ZNF678: variants seen among roughly 807,000 people sequenced by gnomAD.
The protein encoded by ZNF678 is hypothetical protein MGC42493.
In ZNF678, 5 loss-of-function variants were observed where a neutral mutation model predicts 3.0. The observed-to-expected ratio is 1.69, with a 90% CI of 0.88 to 3.56. ZNF678 has a LOEUF of 3.56. Among genes scored for constraint, ZNF678 ranks in the 30% most tolerant of loss-of-function variants. The pLI is 0.00. For synonymous variants in ZNF678, 218 were observed against 199.6 expected (o/e 1.09, Z -0.78); for missense variants, 593 against 605.0 (o/e 0.98, Z 0.21).
At chr1:227,603,608 C>T (rs1308014446) in intron 1 of ZNF678, among the ~76,000 whole-genome samples, 1 of 152,196 alleles carries the variant, frequency 6.6e-6, no homozygotes, top group African/African-American at 2.4e-5. Flanking sequence ...TGCTCATGGG[C>T]TCCAGGGTCT....
rs1659302149 is a variant in ZNF678, at chr1:227,658,285, A to T, written c.*2457A>T. The T allele has an allele frequency of 1.3e-5, 2 of 152,106 alleles. No homozygotes were observed. The highest frequency in any genetic ancestry group is 2.9e-5 in the Non-Finnish European group (2 of 67,982). The allele number at this position is 152,106 out of a possible 1,614,324, so 9.4% of individuals were successfully genotyped here. A position where few individuals can be genotyped will look rare whatever the true frequency, so the allele number is the denominator to read the frequency against. On this transcript the variant is annotated 3_prime_UTR_variant, in exon 4 of 4. Transcript: ENST00000343776. ...TTCACAAAGTTGTTTTGACATATAA[A>T]TGAGGTGAACAAACACAGGAAAGTG...
intron 1 of ZNF678, chr1:227,598,484 C>T: frequency 1.4e-6 from 2 of 1,411,906 alleles, no homozygotes; most frequent in South Asian, 1.4e-5. Context: ...GTTTCTTATG[C>T]TTCTTTTTCT....
At chr1:227,575,034 G>C (rs543046435) in intron 1 of ZNF678, among the ~76,000 whole-genome samples, 1 of 151,944 alleles carries the variant, frequency 6.6e-6, no homozygotes, top group Non-Finnish European at 1.5e-5. Flanking sequence ...CAGGTTTGTC[G>C]AAGATCAAAT....
At chr1:227,633,662 G>A (rs184348957) in intron 1 of ZNF678, among the ~76,000 whole-genome samples, 41 of 152,322 alleles carry the variant, frequency 2.7e-4, no homozygotes, top group Non-Finnish European at 4.3e-4. Flanking sequence ...CACCCAGGGA[G>A]TGAGCATTTA....
Position 227,603,600 on chromosome 1 carries a change from C to T in ZNF678, c.-164+39876C>T, listed in dbSNP as rs570164494. 6.6e-5 allele frequency among the ~76,000 whole-genome samples: 10 copies of T among 152,310 alleles called. No individual in the cohort carries two copies. The South Asian group carries it at 2.1e-3, about 32-fold the overall frequency. Reference sequence around the variant, plus strand: ...TCATCTGATTCCTCACCCGCCATTGCTCATGGGCTCCAGGGTCTTGGCACC... The same window carrying T: ...TCATCTGATTCCTCACCCGCCATTGTTCATGGGCTCCAGGGTCTTGGCACC... On this transcript the variant is annotated intron_variant, in intron 1 of 3. Coordinates refer to ENST00000343776, the MANE Select transcript of ZNF678 (RefSeq NM_001367909.1).
intron 1 of ZNF678, among the ~76,000 whole-genome samples, chr1:227,642,170 G>A (rs776356682): frequency 9.1e-4 from 138 of 152,292 alleles, no homozygotes; most frequent in Non-Finnish European, 1.7e-3. Flanking sequence ...AAAATAAAGG[G>A]CTAGACTTTG....
rs144732936 is a variant in ZNF678 at position 227,602,769 on chromosome 1, G to A, written c.-164+39045G>A. On this transcript the variant is annotated intron_variant, in intron 1 of 3. Transcript: ENST00000343776. ...TTTGAATATTTCATTTAAACCAGGT[G>A]TTAACTTAAAAAGGTCTTAAATGAA... 6.5e-3 allele frequency among the ~76,000 whole-genome samples: 994 copies of A among 152,324 alleles called. 5 individuals are homozygous for A. Among genetic ancestry groups the A allele is most frequent in the South Asian group, 0.031 (149 of 4,830 alleles).
chr1:227,605,736 A>G (rs1192531070), intron 1 of ZNF678, among the ~76,000 whole-genome samples: 1 of 152,196 alleles, frequency 6.6e-6, no homozygotes, highest in South Asian at 2.1e-4. Flanking sequence ...TTATTAAAAT[A>G]TTTGATAAAC....
rs957409992 is a variant in ZNF678, at chr1:227,660,855, T to C, written c.*5027T>C. 5 of 152,222 alleles carry C rather than the reference T, an allele frequency of 3.3e-5. No homozygotes were observed. The highest frequency in any genetic ancestry group is 4.4e-5 in the Non-Finnish European group (3 of 68,040). 9.4% of individuals were successfully genotyped at this position (152,222 alleles called of 1,614,324 possible). The stretch of plus-strand genomic sequence containing the variant: ...ATGTCCATTTGTCATATATGGCCTT[T>C]ATTGGCTTGAGGTATGTATGTTCTA... On this transcript the variant is annotated 3_prime_UTR_variant, in exon 4 of 4. Transcript: ENST00000343776.
chr1:227,571,136 A>G (rs1365477237), intron 1 of ZNF678, among the ~76,000 whole-genome samples: 1 of 152,212 alleles, frequency 6.6e-6, no homozygotes, highest in East Asian at 1.9e-4. Flanking sequence ...TTAGTAATAT[A>G]AATAGTTATT....
At chr1:227,585,100 T>C (rs1483292990) in intron 1 of ZNF678, among the ~76,000 whole-genome samples, 2 of 152,214 alleles carry the variant, frequency 1.3e-5, no homozygotes, top group East Asian at 3.8e-4. Flanking sequence ...TATTATGTTT[T>C]ACTTGAAAAT....
chr1:227,580,924 CAA>C (rs11350768), intron 1 of ZNF678, among the ~76,000 whole-genome samples: 31 of 129,816 alleles, frequency 2.4e-4, no homozygotes, highest in Middle Eastern at 4.1e-3. Flanking sequence ...AACTCCCTCT[CAA>C]AAAAAAAAAA....
At chr1:227,629,699 T>C (rs1206313575) in intron 1 of ZNF678, among the ~76,000 whole-genome samples, 2 of 152,232 alleles carry the variant, frequency 1.3e-5, no homozygotes, top group African/African-American at 2.4e-5. Flanking sequence ...TGCTGGATCA[T>C]CTGGTTAGTG....
chr1:227,637,267 A>G (rs1279240180), intron 1 of ZNF678, among the ~76,000 whole-genome samples: 1 of 152,202 alleles, frequency 6.6e-6, no homozygotes, highest in Non-Finnish European at 1.5e-5. Flanking sequence ...GGAGCTGGTT[A>G]GCACAGTGCT....
At chr1:227,566,424 A>G (rs1199137977) in intron 1 of ZNF678, among the ~76,000 whole-genome samples, 1 of 152,192 alleles carries the variant, frequency 6.6e-6, no homozygotes, top group African/African-American at 2.4e-5. Context: ...GACAAGCAAT[A>G]ACTACTCCAG....
At chr1:227,613,298 C>T (rs1051574129) in intron 1 of ZNF678, among the ~76,000 whole-genome samples, 10 of 152,248 alleles carry the variant, frequency 6.6e-5, no homozygotes, top group South Asian at 2.1e-4. Flanking sequence ...TTGACACTGC[C>T]GCAGCTATTG....
chr1:227,645,960 CCTT>C (rs1162492936), intron 1 of ZNF678, among the ~76,000 whole-genome samples: 2 of 152,134 alleles, frequency 1.3e-5, no homozygotes, highest in South Asian at 2.1e-4. Context: ...TGGAAGTTCT[CCTT>C]CTTAAATTAT....
At chr1:227,644,340 G>A (rs1658903585) in intron 1 of ZNF678, among the ~76,000 whole-genome samples, 1 of 152,124 alleles carries the variant, frequency 6.6e-6, no homozygotes, top group Non-Finnish European at 1.5e-5. Context: ...GTGTACTTCC[G>A]AGCACATAGT....
At chr1:227,567,991 G>T (rs1371134497) in intron 1 of ZNF678, among the ~76,000 whole-genome samples, 1 of 152,142 alleles carries the variant, frequency 6.6e-6, no homozygotes, top group Non-Finnish European at 1.5e-5. Context: ...AGGACAGGAT[G>T]AAAGGTGCCA....
Sources: gnomAD v4.1 joint callset for allele counts (sites outside exome capture counted in the v4.1 genomes callset) on GRCh38, gnomAD v4.1.1 for gene constraint, MANE v1.5 for transcripts, NCBI Gene and HGNC (gene_info 2026-07-23, HGNC 2026-07-21) for gene names.